The following FHIT variants were observed in gnomAD, a reference collection of about 807,000 sequenced individuals.
The protein encoded by FHIT is bis(5'-adenosyl)-triphosphatase.
Under a neutral mutation model 17.9 loss-of-function variants are expected in FHIT, and 19 were observed. The observed-to-expected ratio is 1.06, with a 90% CI of 0.74 to 1.56. The LOEUF (loss-of-function observed/expected upper bound fraction) is 1.56. FHIT is among the 40% of genes most tolerant of loss of function. The pLI, the probability that FHIT is intolerant of heterozygous loss-of-function variation, is 0.00. For missense variants in FHIT, 248 were observed against 189.2 expected, an observed-to-expected ratio of 1.31 and a Z score of -1.82; for synonymous variants, 81 against 69.7, an observed-to-expected ratio of 1.16 and a Z score of -0.81.
At chr3:60,076,711 C>T (rs920476808) in intron 5 of FHIT, among the ~76,000 whole-genome samples, 1 of 151,708 alleles carries the variant, frequency 6.6e-6, no homozygotes, top group East Asian at 1.9e-4. Flanking sequence ...TTGAGGATTC[C>T]TACTACAATA....
At chr3:60,577,386 C>T (rs11130776) in intron 4 of FHIT, among the ~76,000 whole-genome samples, 17,956 of 152,100 alleles carry the variant, frequency 0.12, 1,622 homozygotes, top group East Asian at 0.33. Context: ...TCAAAAATAA[C>T]AGGGACAATT....
chr3:60,317,478 T>C (rs1032238964), intron 5 of FHIT, among the ~76,000 whole-genome samples: 10 of 151,350 alleles, frequency 6.6e-5, no homozygotes, highest in African/African-American at 1.9e-4. Flanking sequence ...AGTAGTTAAC[T>C]ACAGCAAAGC....
intron 2 of FHIT, among the ~76,000 whole-genome samples, chr3:61,104,382 T>C (rs2035930316): frequency 6.6e-6 from 1 of 152,192 alleles, no homozygotes; most frequent in African/African-American, 2.4e-5. Flanking sequence ...TTTAAAACTG[T>C]TGAACATTGG....
At chr3:59,792,027 A>G (rs993690361) in intron 8 of FHIT, among the ~76,000 whole-genome samples, 4 of 81,306 alleles carry the variant, frequency 4.9e-5, no homozygotes, top group Non-Finnish European at 1.2e-4. Context: ...AATCATGGCT[A>G]TGGTAGTCTA....
intron 5 of FHIT, among the ~76,000 whole-genome samples, chr3:60,421,117 T>C (rs540393239): frequency 1.5e-4 from 23 of 152,174 alleles, no homozygotes; most frequent in African/African-American, 4.1e-4. Context: ...CTTTTCTTCA[T>C]TGGCATTTTG....
At chr3:60,628,642 T>C (rs1344507534) in intron 4 of FHIT, among the ~76,000 whole-genome samples, 1 of 152,206 alleles carries the variant, frequency 6.6e-6, no homozygotes, top group African/African-American at 2.4e-5. Flanking sequence ...CTTTCTTTGA[T>C]TCTCTCTGAT....
At chr3:59,767,403 G>A (rs905692873) in intron 8 of FHIT, among the ~76,000 whole-genome samples, 1 of 152,128 alleles carries the variant, frequency 6.6e-6, no homozygotes, top group African/African-American at 2.4e-5. Flanking sequence ...GGAGGCTGAG[G>A]CAGGAGAATT....
chr3:61,069,090 T>C (rs1370225906), intron 2 of FHIT, among the ~76,000 whole-genome samples: 1 of 152,176 alleles, frequency 6.6e-6, no homozygotes, highest in Non-Finnish European at 1.5e-5. Flanking sequence ...GGTTTTTCTT[T>C]TTTATTTTTT....
chr3:61,030,545 C>A (rs1224913060), intron 3 of FHIT, among the ~76,000 whole-genome samples: 1 of 152,194 alleles, frequency 6.6e-6, no homozygotes, highest in East Asian at 1.9e-4. Flanking sequence ...ATCACAGAAA[C>A]TTCTATTGGA....
intron 4 of FHIT, among the ~76,000 whole-genome samples, chr3:60,592,965 C>A (rs1308847508): frequency 6.6e-6 from 1 of 152,088 alleles, no homozygotes; most frequent in Non-Finnish European, 1.5e-5. Flanking sequence ...GTGGCTGTGC[C>A]TGGCTTGAAA....
At chr3:60,054,941 T>A (rs1348818068) in intron 5 of FHIT, among the ~76,000 whole-genome samples, 1 of 152,206 alleles carries the variant, frequency 6.6e-6, no homozygotes, top group African/African-American at 2.4e-5. Context: ...GAAGTGGGAA[T>A]GGCTACCTTT....
At chr3:60,794,553 T>C (rs1205135014) in intron 4 of FHIT, among the ~76,000 whole-genome samples, 1 of 152,212 alleles carries the variant, frequency 6.6e-6, no homozygotes, top group African/African-American at 2.4e-5. Flanking sequence ...TATGGATGGA[T>C]TGACAGTTCA....
intron 3 of FHIT, among the ~76,000 whole-genome samples, chr3:60,927,400 C>T (rs552999276): frequency 1.6e-4 from 25 of 152,318 alleles, no homozygotes; most frequent in Non-Finnish European, 2.9e-4. Flanking sequence ...TCTGCCCCGC[C>T]GCCACCCTGT....
intron 3 of FHIT, among the ~76,000 whole-genome samples, chr3:60,839,852 AAC>A (rs1359608602): frequency 6.6e-6 from 1 of 152,242 alleles, no homozygotes; most frequent in Non-Finnish European, 1.5e-5. Flanking sequence ...GTTTCAGAAA[AAC>A]ACAGAAAAAA....
Position 60,119,764 on chromosome 3 carries a change from G to A in FHIT, c.104-105612C>T, listed in dbSNP as rs374305652. 1.2e-4 allele frequency among the ~76,000 whole-genome samples: 18 copies of A among 152,192 alleles called. No individual in the cohort carries two copies. In the East Asian group the frequency reaches 1.9e-3, roughly 16 times the overall value. ...CTCTTCAGGCTTTTTTCCCTTCCCA[G>A]TTTTAAAACTTCAACCGTCCCTCCA... On this transcript the variant is annotated intron_variant, in intron 5 of 9. Transcript: ENST00000492590.
intron 2 of FHIT, among the ~76,000 whole-genome samples, chr3:61,082,083 C>CA (rs111970275): frequency 0.15 from 21,331 of 142,464 alleles, 1,725 homozygotes; most frequent in African/African-American, 0.24. Context: ...ATAGATTCTC[C>CA]AAAAAAAAAA....
intron 7 of FHIT, among the ~76,000 whole-genome samples, chr3:59,955,616 T>A (rs1336986044): frequency 6.6e-6 from 1 of 152,146 alleles, no homozygotes; most frequent in Non-Finnish European, 1.5e-5. Context: ...CAACCCAATA[T>A]GTCAAAAACT....
intron 7 of FHIT, among the ~76,000 whole-genome samples, chr3:59,993,438 T>C (rs535379270): frequency 1.3e-5 from 2 of 152,108 alleles, no homozygotes; most frequent in East Asian, 3.9e-4. Context: ...GAGTGTAGAA[T>C]GCATTTCTCA....
rs34450737 is a variant in FHIT, at chr3:60,720,782, G to C, written c.-18+101137C>G. 1.8e-3 allele frequency among the ~76,000 whole-genome samples: 272 copies of C among 152,284 alleles called. 3 individuals carry two copies. The highest frequency in any genetic ancestry group is 3.4e-3 in the Non-Finnish European group (228 of 68,030). On this transcript the variant is annotated intron_variant, in intron 4 of 9. Coordinates refer to ENST00000492590, the MANE Select transcript of FHIT (RefSeq NM_002012.4). Reference sequence around the variant, plus strand: ...CAGAGAATAGCATACTGGGCGTCAAGAAGAGTCCTCATTAATCATGGCATG... The same window carrying C: ...CAGAGAATAGCATACTGGGCGTCAACAAGAGTCCTCATTAATCATGGCATG...
Sources: gnomAD v4.1 joint callset for allele counts (sites outside exome capture counted in the v4.1 genomes callset) on GRCh38, gnomAD v4.1.1 for gene constraint, MANE v1.5 for transcripts, NCBI Gene and HGNC (gene_info 2026-07-23, HGNC 2026-07-21) for gene names.